Variants in IGF1R observed in about 807,000 individuals in gnomAD.
The protein encoded by IGF1R is insulin like growth factor 1 receptor, also known as insulin-like growth factor 1 receptor.
Under a neutral mutation model 144.6 loss-of-function variants are expected in IGF1R, and 44 were observed. The ratio of observed to expected loss-of-function variants is 0.30; its 90% CI spans 0.24 to 0.39. IGF1R has a LOEUF of 0.39. Among genes scored for constraint, IGF1R ranks in the 10% least tolerant of loss-of-function variants. The pLI is 1.00. For synonymous variants in IGF1R, 795 were observed against 722.8 expected (o/e 1.10, Z -1.60); for missense variants, 1,355 against 1,833.7 (o/e 0.74, Z 4.77).
In IGF1R at chr15:98,963,244, T is replaced by A. The variant is rs1216495710; in HGVS notation, c.*5802T>A. 4.3e-6 allele frequency: 1 copy of A among 230,882 alleles called. No homozygotes were observed. Among genetic ancestry groups the A allele is most frequent in the Admixed American group, 5.7e-5 (1 of 17,474 alleles). The allele number at this position is 230,882 out of a possible 1,614,324, so 14.3% of individuals were successfully genotyped here. On this transcript the variant is annotated 3_prime_UTR_variant, in exon 21 of 21. Transcript: ENST00000650285. Reference sequence around the variant, plus strand: ...TTTTTTTTTTTTTAGGACACCTGTTTACTAGCTAGCTTTACAATATGCCAA... The same window carrying A: ...TTTTTTTTTTTTTAGGACACCTGTTAACTAGCTAGCTTTACAATATGCCAA...
intron 2 of IGF1R, among the ~76,000 whole-genome samples, chr15:98,781,922 C>T (rs1295061337): frequency 6.6e-6 from 1 of 152,106 alleles, no homozygotes; most frequent in Non-Finnish European, 1.5e-5. Context: ...ACTCTGAAAT[C>T]CTCTGAGCAT....
At chr15:98,754,486 C>T (rs45590939) in intron 2 of IGF1R, among the ~76,000 whole-genome samples, 109 of 152,272 alleles carry the variant, frequency 7.2e-4, no homozygotes, top group African/African-American at 2.6e-3. Flanking sequence ...TTGTGATAAA[C>T]TCCCAACATG....
chr15:98,706,118 G>A (rs1233803595), intron 1 of IGF1R, among the ~76,000 whole-genome samples: 2 of 152,168 alleles, frequency 1.3e-5, no homozygotes, highest in African/African-American at 4.8e-5. Context: ...GAGTGGACTC[G>A]CTGTGTGCAC....
intron 2 of IGF1R, among the ~76,000 whole-genome samples, chr15:98,741,237 T>C (rs12911662): frequency 9.8e-6 from 1 of 102,174 alleles, no homozygotes; most frequent in African/African-American, 4.4e-5. Context: ...TTCCTGAGCT[T>C]TTTTTTTTTT....
chr15:98,798,232 C>T (rs753119793), intron 2 of IGF1R, among the ~76,000 whole-genome samples: 13 of 151,992 alleles, frequency 8.6e-5, no homozygotes, highest in East Asian at 1.9e-4. Context: ...GGCAGGTATC[C>T]GGGTACCTTT....
chr15:98,650,860 C>T (rs1223363332), intron 1 of IGF1R: 6 of 972,668 alleles, frequency 6.2e-6, no homozygotes, highest in Non-Finnish European at 7.3e-6. Flanking sequence ...AATCTGATAG[C>T]TTTTGTTTTG....
intron 2 of IGF1R, among the ~76,000 whole-genome samples, chr15:98,837,307 C>G (rs371370652): frequency 6.6e-6 from 1 of 152,106 alleles, no homozygotes. Flanking sequence ...GGCGCAATCT[C>G]GGCTCACTGC....
chr15:98,741,711 T>C (rs1273096858), intron 2 of IGF1R, among the ~76,000 whole-genome samples: 1 of 152,200 alleles, frequency 6.6e-6, no homozygotes, highest in Non-Finnish European at 1.5e-5. Context: ...TGCAGAGAGT[T>C]GTTGGGTTTT....
intron 2 of IGF1R, among the ~76,000 whole-genome samples, chr15:98,795,333 G>A (rs2056215055): frequency 6.6e-6 from 1 of 152,166 alleles, no homozygotes; most frequent in South Asian, 2.1e-4. Flanking sequence ...ACATTGACAT[G>A]TATCAGTAAG....
intron 19 of IGF1R, among the ~76,000 whole-genome samples, chr15:98,944,854 A>G (rs1263647556): frequency 6.6e-6 from 1 of 152,208 alleles, no homozygotes; most frequent in East Asian, 1.9e-4. Context: ...TGCTCTTAGC[A>G]AATCTTTCGT....
At chr15:98,783,995 G>C (rs1282383781) in intron 2 of IGF1R, among the ~76,000 whole-genome samples, 1 of 101,330 alleles carries the variant, frequency 9.9e-6, no homozygotes, top group Non-Finnish European at 1.8e-5. Flanking sequence ...TTTTTTTTGA[G>C]ATGGAGTCTC....
intron 1 of IGF1R, among the ~76,000 whole-genome samples, chr15:98,706,214 G>A (rs1229589537): frequency 6.6e-6 from 1 of 152,224 alleles, no homozygotes; most frequent in Non-Finnish European, 1.5e-5. Flanking sequence ...AGAGGGCAGG[G>A]CACTGCCTGT....
intron 2 of IGF1R, among the ~76,000 whole-genome samples, chr15:98,764,560 G>C (rs1167102413): frequency 1.3e-5 from 2 of 152,084 alleles, no homozygotes; most frequent in African/African-American, 4.8e-5. Flanking sequence ...ACAGAAAAGA[G>C]GACATTTTAT....
chr15:98,960,696 G>A lies in IGF1R; in HGVS notation c.*3254G>A, dbSNP rs143426089. The stretch of plus-strand genomic sequence containing the variant: ...GTGCAGCTGCAGCAGCAGCTGGAGA[G>A]CAAGAGTCACCCAGCCTGTGCGCCA... On this transcript the variant is annotated 3_prime_UTR_variant, in exon 21 of 21. Transcript: ENST00000650285. 3.4e-4 allele frequency: 80 copies of A among 233,450 alleles called. No individual in the cohort carries two copies. The highest frequency in any genetic ancestry group is 1.3e-3 in the Middle Eastern group (1 of 788). 14.5% of individuals were successfully genotyped at this position (233,450 alleles called of 1,614,324 possible). A position where few individuals can be genotyped will look rare whatever the true frequency, so the allele number is the denominator to read the frequency against.
chr15:98,838,284 A>G (rs911708907), intron 2 of IGF1R, among the ~76,000 whole-genome samples: 1 of 152,208 alleles, frequency 6.6e-6, no homozygotes, highest in Non-Finnish European at 1.5e-5. Flanking sequence ...TGGCCAAACT[A>G]TGTTTAGAAA....
chr15:98,744,336 C>G (rs1435049112), intron 2 of IGF1R, among the ~76,000 whole-genome samples: 2 of 151,884 alleles, frequency 1.3e-5, no homozygotes, highest in African/African-American at 4.8e-5. Flanking sequence ...AGAAGCCAAG[C>G]AGAGTGAGAA....
At chr15:98,946,208 C>T (rs2016548237) in intron 19 of IGF1R, among the ~76,000 whole-genome samples, 1 of 90,166 alleles carries the variant, frequency 1.1e-5, no homozygotes, top group South Asian at 3.8e-4. Context: ...CGGGGCGGGG[C>T]AGGGGTGGGG....
At chr15:98,952,189 T>C (rs1049831112) in intron 20 of IGF1R, among the ~76,000 whole-genome samples, 1 of 152,046 alleles carries the variant, frequency 6.6e-6, no homozygotes. Flanking sequence ...GGCTCTCACC[T>C]TCTCCTTCAG....
At chr15:98,886,701 C>A (rs1378406330) in intron 2 of IGF1R, among the ~76,000 whole-genome samples, 1 of 152,180 alleles carries the variant, frequency 6.6e-6, no homozygotes, top group Non-Finnish European at 1.5e-5. Flanking sequence ...AGCCATCCAT[C>A]TGCTGGCGAG....
Sources: gnomAD v4.1 joint callset for allele counts (sites outside exome capture counted in the v4.1 genomes callset) on GRCh38, gnomAD v4.1.1 for gene constraint, MANE v1.5 for transcripts, NCBI Gene and HGNC (gene_info 2026-07-23, HGNC 2026-07-21) for gene names.